PPFIA1: variants seen among roughly 807,000 people sequenced by gnomAD.
The protein encoded by PPFIA1 is PPFI scaffold protein A1, also known as liprin-alpha-1.
A neutral mutation model predicts 149.9 loss-of-function variants in PPFIA1; 25 were observed. The ratio of observed to expected loss-of-function variants is 0.17; its 90% CI spans 0.12 to 0.23. The LOEUF is 0.23. Among genes scored for constraint, PPFIA1 ranks in the 10% least tolerant of loss-of-function variants. PPFIA1 has a pLI of 1.00. For missense variants in PPFIA1, 1,362 were observed against 1,506.5 expected (o/e 0.90, Z 1.59); for synonymous variants, 549 against 552.8 (o/e 0.99, Z 0.10).
chr11:70,300,061 C>T (rs1052000453), intron 2 of PPFIA1, among the ~76,000 whole-genome samples: 1 of 151,536 alleles, frequency 6.6e-6, no homozygotes, highest in African/African-American at 2.4e-5. Flanking sequence ...CTTCCACCCG[C>T]CCCACAGATC....
At chr11:70,342,755 A>C (rs7129635) in intron 14 of PPFIA1, among the ~76,000 whole-genome samples, 32,435 of 151,912 alleles carry the variant, frequency 0.21, 3,676 homozygotes, top group South Asian at 0.27. Flanking sequence ...TAATTGGAGT[A>C]AGGTGTATTT....
intron 2 of PPFIA1, among the ~76,000 whole-genome samples, chr11:70,315,147 G>A (rs564308240): frequency 6.6e-6 from 1 of 152,308 alleles, no homozygotes; most frequent in East Asian, 1.9e-4. Context: ...TGGCTTCACA[G>A]CCGTATCAGA....
At chr11:70,358,374 C>T (rs2056459214) in intron 19 of PPFIA1, 1 of 152,146 alleles carries the variant, frequency 6.6e-6, no homozygotes, top group Non-Finnish European at 1.5e-5. Flanking sequence ...GCGTGTGCCA[C>T]CGTGCCCAGC....
intron 9 of PPFIA1, chr11:70,333,137 C>T (rs2054768725): frequency 4.1e-6 from 2 of 484,216 alleles, no homozygotes; most frequent in East Asian, 1.2e-4. Flanking sequence ...CTTGCCGCTG[C>T]TTTCTGCTTT....
chr11:70,341,588 CTG>C (rs1307836791), intron 14 of PPFIA1, among the ~76,000 whole-genome samples: 1 of 152,130 alleles, frequency 6.6e-6, no homozygotes, highest in Admixed American at 6.5e-5. Flanking sequence ...ATATCACAGT[CTG>C]GAACCCAAGA....
At chr11:70,358,785 T>TG (rs2056485720) in intron 19 of PPFIA1, 1 of 152,214 alleles carries the variant, frequency 6.6e-6, no homozygotes, top group Admixed American at 6.5e-5. Context: ...CACAGCATGG[T>TG]GGGCGCGTTT....
chr11:70,279,250 G>A (rs1189881555), intron 2 of PPFIA1: 3 of 293,816 alleles, frequency 1.0e-5, no homozygotes, highest in East Asian at 8.1e-5. Flanking sequence ...GTGGGAAGCT[G>A]CCTTTGTTGG....
rs189956810 is a variant in PPFIA1 at position 70,380,130 on chromosome 11, G to A, written c.3550+1935G>A. Among the ~76,000 whole-genome samples the A allele has an allele frequency of 3.0e-4, 46 of 152,280 alleles. No homozygotes were observed. In the East Asian group the frequency reaches 6.2e-3, roughly 20 times the overall value. On this transcript the variant is annotated intron_variant, in intron 26 of 27. Coordinates refer to ENST00000253925, the MANE Select transcript of PPFIA1 (RefSeq NM_003626.5). ...GATGGATGAAAAGTAAACCTAGGCC[G>A]GGCGCGGTGGCTCACGCCTGTAATC...
At chr11:70,317,977 A>C (rs1241368054) in intron 2 of PPFIA1, among the ~76,000 whole-genome samples, 1 of 151,930 alleles carries the variant, frequency 6.6e-6, no homozygotes, top group Non-Finnish European at 1.5e-5. Flanking sequence ...CCTTGTCAGG[A>C]TTCTTCATCT....
intron 22 of PPFIA1, 28 bp from the exon 23 acceptor site, chr11:70,372,449 T>C: frequency 6.2e-7 from 1 of 1,612,490 alleles, no homozygotes; most frequent in African/African-American, 1.3e-5. Flanking sequence ...TTACCATCTC[T>C]AAATCATCTC....
intron 2 of PPFIA1, among the ~76,000 whole-genome samples, chr11:70,289,007 G>A (rs1316208908): frequency 1.6e-4 from 23 of 141,078 alleles, no homozygotes; most frequent in African/African-American, 5.2e-4. Context: ...TTGCTCTGTC[G>A]CCCAGGCTGG....
At chr11:70,362,785 C>A in intron 21 of PPFIA1, 1 of 215,796 alleles carries the variant, frequency 4.6e-6, no homozygotes, top group Non-Finnish European at 9.1e-6. Context: ...ATATGAAATA[C>A]GAAAATACCA....
chr11:70,334,880 C>A (rs1334138158), intron 10 of PPFIA1, among the ~76,000 whole-genome samples: 2 of 152,104 alleles, frequency 1.3e-5, no homozygotes, highest in Non-Finnish European at 2.9e-5. Context: ...GGAGGTGCCA[C>A]CTGGACAGGT....
chr11:70,280,248 A>T (rs2050673914), intron 2 of PPFIA1, among the ~76,000 whole-genome samples: 1 of 149,030 alleles, frequency 6.7e-6, no homozygotes, highest in African/African-American at 2.5e-5. Context: ...ATATATATAT[A>T]TAAATATATA....
intron 2 of PPFIA1, among the ~76,000 whole-genome samples, chr11:70,317,688 C>G (rs148359539): frequency 6.6e-6 from 1 of 152,052 alleles, no homozygotes; most frequent in East Asian, 1.9e-4. Flanking sequence ...AGAGTGACAG[C>G]GTGCTGGGGG....
chr11:70,288,733 C>T (rs1290706825), intron 2 of PPFIA1, among the ~76,000 whole-genome samples: 1 of 152,166 alleles, frequency 6.6e-6, no homozygotes, highest in Non-Finnish European at 1.5e-5. Context: ...CTTGGATGCT[C>T]ATATTGTCCC....
At chr11:70,295,738 G>A (rs2051929511) in intron 2 of PPFIA1, among the ~76,000 whole-genome samples, 1 of 145,664 alleles carries the variant, frequency 6.9e-6, no homozygotes, top group Non-Finnish European at 1.5e-5. Flanking sequence ...GCAGGGGGCT[G>A]ACCCCCCCAC....
At chr11:70,299,550 GTCT>G (rs1185013824) in intron 2 of PPFIA1, among the ~76,000 whole-genome samples, 1 of 152,134 alleles carries the variant, frequency 6.6e-6, no homozygotes. Context: ...TTATCGTGGG[GTCT>G]TCTTCCCTTC....
intron 15 of PPFIA1, among the ~76,000 whole-genome samples, chr11:70,347,746 G>A (rs2055802499): frequency 1.3e-5 from 2 of 152,032 alleles, no homozygotes; most frequent in South Asian, 2.1e-4. Context: ...GCTCGCGCCT[G>A]TAATCCCACT....
Sources: allele counts gnomAD v4.1 joint callset (sites outside exome capture counted in the v4.1 genomes callset), GRCh38; gene constraint gnomAD v4.1.1; transcripts MANE v1.5; gene names NCBI Gene and HGNC (gene_info 2026-07-23, HGNC 2026-07-21).